The following TENM2 variants were observed in gnomAD, a reference collection of about 807,000 sequenced individuals.
TENM2 encodes teneurin transmembrane protein 2, also known as teneurin-2.
Under a neutral mutation model 245.2 loss-of-function variants are expected in TENM2, and 52 were observed. The ratio of observed to expected loss-of-function variants is 0.21; its 90% confidence interval spans 0.17 to 0.27. The LOEUF is 0.27. Ranked by LOEUF, TENM2 falls within the 10% of genes least tolerant of loss-of-function variation. The probability of loss-of-function intolerance (pLI) is 1.00; values close to 1 mark genes in which losing one functional copy is unlikely to be tolerated. For missense variants in TENM2, 3,046 were observed against 3,666.8 expected (o/e 0.83, Z 4.37); for synonymous variants, 1,363 against 1,438.9 (o/e 0.95, Z 1.19).
intron 2 of TENM2, among the ~76,000 whole-genome samples, chr5:167,389,050 CAG>C (rs1761605803): frequency 6.6e-6 from 1 of 151,942 alleles, no homozygotes. Flanking sequence ...CAAAATAAAA[CAG>C]AATCCTAATG....
At chr5:168,032,519 C>G (rs879609548) in intron 5 of TENM2, among the ~76,000 whole-genome samples, 7 of 152,130 alleles carry the variant, frequency 4.6e-5, no homozygotes, top group Non-Finnish European at 1.0e-4. Flanking sequence ...AGCTTTGAGA[C>G]TCTGTTAGTA....
At chr5:167,331,430 A>G (rs1248778613) in intron 1 of TENM2, among the ~76,000 whole-genome samples, 1 of 152,186 alleles carries the variant, frequency 6.6e-6, no homozygotes, top group Admixed American at 6.5e-5. Flanking sequence ...AGTGCCTATG[A>G]GATTATGATC....
chr5:167,931,443 T>G (rs774361025), intron 3 of TENM2, among the ~76,000 whole-genome samples: 2 of 151,576 alleles, frequency 1.3e-5, no homozygotes, highest in Non-Finnish European at 2.9e-5. Context: ...GCCTGTAAAT[T>G]GGGCCATATA....
intron 2 of TENM2, among the ~76,000 whole-genome samples, chr5:167,873,284 G>A (rs1773138050): frequency 6.6e-6 from 1 of 152,196 alleles, no homozygotes; most frequent in Admixed American, 6.5e-5. Context: ...TTTGAAATCT[G>A]GAGTCCCTTG....
chr5:168,153,419 C>T (rs192213306), intron 12 of TENM2, among the ~76,000 whole-genome samples: 1 of 152,184 alleles, frequency 6.6e-6, no homozygotes, highest in African/African-American at 2.4e-5. Context: ...GCTATAAAAG[C>T]ATGCAATGGA....
At chr5:167,727,109 T>C (rs916344971) in intron 2 of TENM2, among the ~76,000 whole-genome samples, 1 of 133,598 alleles carries the variant, frequency 7.5e-6, no homozygotes, top group South Asian at 2.6e-4. Context: ...AATTTCTTTT[T>C]TTTTTTTTTT....
chr5:167,865,310 G>C (rs1416232465), intron 2 of TENM2, among the ~76,000 whole-genome samples: 1 of 151,612 alleles, frequency 6.6e-6, no homozygotes, highest in Non-Finnish European at 1.5e-5. Context: ...GTAGAGTGTT[G>C]CTCTGCAGTC....
intron 2 of TENM2, chr5:167,755,123 T>C (rs571913626): frequency 1.4e-5 from 22 of 1,599,154 alleles, no homozygotes; most frequent in Middle Eastern, 1.7e-4. Flanking sequence ...TCATCTCTTA[T>C]GGAGACCCGG....
chr5:167,495,614 T>G (rs571195578), intron 2 of TENM2, among the ~76,000 whole-genome samples: 2 of 152,182 alleles, frequency 1.3e-5, no homozygotes, highest in East Asian at 3.9e-4. Flanking sequence ...TATACTATAG[T>G]GGTGTCTTGA....
intron 26 of TENM2, among the ~76,000 whole-genome samples, chr5:168,245,670 C>A (rs1766497321): frequency 6.6e-6 from 1 of 152,044 alleles, no homozygotes; most frequent in Non-Finnish European, 1.5e-5. Flanking sequence ...TCAACCCGGG[C>A]CTCTCACCTA....
chr5:167,376,551 C>A (rs1392623220), intron 2 of TENM2, among the ~76,000 whole-genome samples: 3 of 152,166 alleles, frequency 2.0e-5, no homozygotes, highest in African/African-American at 7.2e-5. Flanking sequence ...GAAAATACAT[C>A]ATTTCCTGGG....
At chr5:167,431,060 A>G (rs1364497008) in intron 2 of TENM2, among the ~76,000 whole-genome samples, 1 of 152,224 alleles carries the variant, frequency 6.6e-6, no homozygotes, top group Non-Finnish European at 1.5e-5. Context: ...CTAAAGTTGT[A>G]CATAAAGAAA....
At chr5:167,716,884 ATATTTTATTT>A (rs200661613) in intron 2 of TENM2, among the ~76,000 whole-genome samples, 7,094 of 132,076 alleles carry the variant, frequency 0.054, 473 homozygotes, top group African/African-American at 0.15. Flanking sequence ...GTCTTTTTTT[ATATTTTATTT>A]TATTTTATTT....
intron 2 of TENM2, among the ~76,000 whole-genome samples, chr5:167,525,018 G>C (rs57790625): frequency 0.021 from 3,216 of 152,042 alleles, 131 homozygotes; most frequent in African/African-American, 0.074. Flanking sequence ...ACCTGGTGCT[G>C]TTAACAAGAA....
chr5:167,022,775 A>G, the TENM2 span, among the ~76,000 whole-genome samples: 1 of 151,884 alleles, frequency 6.6e-6, no homozygotes, highest in African/African-American at 2.4e-5. Flanking sequence ...TCCCCTAGTC[A>G]TTGTCTTTCT....
At chr5:167,675,920 C>T (rs1156386626) in intron 2 of TENM2, among the ~76,000 whole-genome samples, 1 of 152,062 alleles carries the variant, frequency 6.6e-6, no homozygotes, top group Non-Finnish European at 1.5e-5. Flanking sequence ...CTGTACACTG[C>T]TCAGGTTGCT....
intron 2 of TENM2, among the ~76,000 whole-genome samples, chr5:167,822,050 T>C (rs1298680470): frequency 2.0e-5 from 3 of 152,132 alleles, no homozygotes; most frequent in Admixed American, 1.3e-4. Flanking sequence ...TGTTTTGTTT[T>C]GTTTTATTGG....
At chr5:167,658,768 G>A (rs979717648) in intron 2 of TENM2, among the ~76,000 whole-genome samples, 3 of 152,094 alleles carry the variant, frequency 2.0e-5, no homozygotes, top group Non-Finnish European at 4.4e-5. Flanking sequence ...ACTAATGTTT[G>A]GAATGGCCTG....
chr5:168,224,405 C>A (rs775606613), intron 23 of TENM2, among the ~76,000 whole-genome samples: 32 of 152,222 alleles, frequency 2.1e-4, no homozygotes, highest in Admixed American at 4.6e-4. Context: ...ATTGCACTCT[C>A]AGCTTTCAAA....
Sources: gnomAD v4.1 joint callset for allele counts (sites outside exome capture counted in the v4.1 genomes callset) on GRCh38, gnomAD v4.1.1 for gene constraint, MANE v1.5 for transcripts, NCBI Gene and HGNC (gene_info 2026-07-23, HGNC 2026-07-21) for gene names.